The following NUP93 variants were observed in gnomAD, a reference collection of about 807,000 sequenced individuals.
NUP93 encodes nuclear pore complex protein Nup93.
In NUP93, 55 loss-of-function variants were observed where a neutral mutation model predicts 107.8. That is an observed-to-expected ratio of 0.51 (90% CI 0.41 to 0.64). NUP93 has a LOEUF of 0.64. Among genes scored for constraint, NUP93 ranks in the 30% least tolerant of loss-of-function variants. The pLI is 0.00. For missense variants in NUP93, 937 were observed against 1,044.7 expected (o/e 0.90, Z 1.42); for synonymous variants, 390 against 397.5 (o/e 0.98, Z 0.22).
At chr16:56,805,891 C>G (rs1963127165) in intron 5 of NUP93, among the ~76,000 whole-genome samples, 1 of 151,904 alleles carries the variant, frequency 6.6e-6, no homozygotes, top group Non-Finnish European at 1.5e-5. Flanking sequence ...AGTCCTTAAC[C>G]TCTTCAGTTT....
intron 5 of NUP93, among the ~76,000 whole-genome samples, chr16:56,810,788 C>T (rs559880975): frequency 2.9e-5 from 3 of 102,250 alleles, no homozygotes; most frequent in Non-Finnish European, 4.8e-5. Context: ...CAGAAATCCT[C>T]TTTGTGGTCC....
intron 3 of NUP93, among the ~76,000 whole-genome samples, chr16:56,786,675 T>C (rs1962634359): frequency 6.6e-6 from 1 of 152,232 alleles, no homozygotes; most frequent in Admixed American, 6.5e-5. Context: ...TTGGGTCCAT[T>C]GTGTTGGCTC....
intron 16 of NUP93, among the ~76,000 whole-genome samples, 199 bp downstream of exon 16, chr16:56,834,977 T>C (rs1236092183): frequency 6.6e-6 from 1 of 152,254 alleles, no homozygotes; most frequent in African/African-American, 2.4e-5. Context: ...CCTTAAAATA[T>C]GTTAATTTGT....
intron 12 of NUP93, among the ~76,000 whole-genome samples, chr16:56,833,010 C>G (rs1347271423): frequency 6.6e-6 from 1 of 152,154 alleles, no homozygotes. Flanking sequence ...GTTATGAGGT[C>G]TAGAGAAGGT....
At position 56,818,660 on chromosome 16, in the gene NUP93, A is replaced by G. The variant is rs775842007; in HGVS notation, c.490-4A>G. The G allele has an allele frequency of 6.2e-7, 1 of 1,613,462 alleles. No homozygotes were observed. The highest frequency in any genetic ancestry group is 1.7e-5 in the Admixed American group (1 of 59,970). ...ACTGATTCTGAATGTGTATTTATCCACAGCCAAGCTACATCAGTGATGTGG... is the reference window on the plus strand; with the variant it reads ...ACTGATTCTGAATGTGTATTTATCCGCAGCCAAGCTACATCAGTGATGTGG... On this transcript the variant is annotated splice_region_variant and splice_polypyrimidine_tract_variant and intron_variant, in intron 5 of 21. Transcript: ENST00000308159.
At chr16:56,834,279 C>T (rs1346496843) in intron 14 of NUP93, 25 bp downstream of exon 14, 10 of 1,613,502 alleles carry the variant, frequency 6.2e-6, no homozygotes, top group Admixed American at 1.7e-5. Flanking sequence ...TGACCATTTA[C>T]TTCAGCTAGT....
intron 6 of NUP93, among the ~76,000 whole-genome samples, chr16:56,821,173 A>G (rs573945938): frequency 6.6e-6 from 1 of 152,252 alleles, no homozygotes; most frequent in Non-Finnish European, 1.5e-5. Context: ...TGCCTTGGTT[A>G]TTAGGAAGCA....
At chr16:56,842,082 A>C (rs1319894118) in intron 21 of NUP93, among the ~76,000 whole-genome samples, 1 of 152,220 alleles carries the variant, frequency 6.6e-6, no homozygotes, top group Non-Finnish European at 1.5e-5. Flanking sequence ...AATCAAACAG[A>C]ATGCTAATTT....
chr16:56,808,155 ATAT>A lies in NUP93; in HGVS notation c.489+2524_489+2526del, dbSNP rs1567398298. Reference sequence around the variant, plus strand: ...AAATATATTTATATAACTATATATAATATATAGTTATATAACTATATAAAATAT... The same window carrying A: ...AAATATATTTATATAACTATATATAAATAGTTATATAACTATATAAAATAT... On this transcript the variant is annotated intron_variant, in intron 5 of 21. Coordinates refer to ENST00000308159, the MANE Select transcript of NUP93 (RefSeq NM_014669.5). Among the ~76,000 whole-genome samples the A allele has an allele frequency of 6.0e-5, 7 of 116,092 alleles. No homozygotes were observed. In the East Asian group the frequency reaches 1.2e-3, roughly 20 times the overall value. The allele number at this position is 116,092 out of a possible 152,430, so 76.2% of individuals were successfully genotyped here.
At chr16:56,789,000 G>A (rs74845765) in intron 3 of NUP93, among the ~76,000 whole-genome samples, 2,075 of 152,204 alleles carry the variant, frequency 0.014, 20 homozygotes, top group Non-Finnish European at 0.022. Flanking sequence ...TTTGAAGTTG[G>A]GTTTTTGTTG....
chr16:56,742,514 A>G (rs769670403), intron 1 of NUP93, among the ~76,000 whole-genome samples: 3 of 152,236 alleles, frequency 2.0e-5, no homozygotes, highest in Admixed American at 1.3e-4. Context: ...GTTGGTTTAC[A>G]TATTATCTAT....
chr16:56,744,663 C>A (rs1329176875), intron 1 of NUP93, among the ~76,000 whole-genome samples: 3 of 152,044 alleles, frequency 2.0e-5, no homozygotes, highest in Non-Finnish European at 4.4e-5. Flanking sequence ...TAGCAAAATT[C>A]TTTCTATATA....
chr16:56,805,798 T>C (rs938099609), intron 5 of NUP93, 166 bp downstream of exon 5: 15 of 685,274 alleles, frequency 2.2e-5, no homozygotes, highest in Middle Eastern at 4.3e-4. Context: ...TCCTCCAACA[T>C]GTCTGCCTGC....
intron 3 of NUP93, among the ~76,000 whole-genome samples, chr16:56,764,006 A>G (rs1962175597): frequency 1.3e-5 from 2 of 152,224 alleles, no homozygotes; most frequent in African/African-American, 4.8e-5. Context: ...ACTGAACTAT[A>G]TATCATATGT....
intron 4 of NUP93, among the ~76,000 whole-genome samples, chr16:56,802,906 A>G (rs1963052110): frequency 6.6e-6 from 1 of 152,180 alleles, no homozygotes; most frequent in Admixed American, 6.5e-5. Flanking sequence ...TCATAATTCA[A>G]TCTATCTATG....
chr16:56,834,223 A>G lies in NUP93; in HGVS notation c.1633A>G (p.Arg545Gly), dbSNP rs1388403405. The change falls in exon 14 of 22, where the codon AGG (arginine) becomes GGG (glycine). Residue 545 changes from arginine (R) to glycine (G), a missense_variant. Arg to Gly is a moderately radical substitution (Grantham distance 125). Transcript: ENST00000308159. ...YTRKFESTDP[R>G]EALQYFYFLR... ...CCGGAAGTTTGAGTCCACGGACCCA[A>G]GGGAGGCCCTCCAGTACTTCTATTT... 5 of 1,614,076 alleles carry G rather than the reference A, an allele frequency of 3.1e-6. No homozygotes were observed. In the African/African-American group the frequency reaches 6.7e-5, roughly 22 times the overall value.
At chr16:56,840,550 C>G (rs556822746) in intron 20 of NUP93, among the ~76,000 whole-genome samples, 1 of 152,332 alleles carries the variant, frequency 6.6e-6, no homozygotes, top group South Asian at 2.1e-4. Flanking sequence ...CCCAGTCATT[C>G]CAGTGTGTGG....
At chr16:56,770,488 G>A (rs1018333429) in intron 3 of NUP93, among the ~76,000 whole-genome samples, 14 of 152,158 alleles carry the variant, frequency 9.2e-5, no homozygotes, top group African/African-American at 2.7e-4. Context: ...AATGAGAACC[G>A]AATGGCTTTA....
At chr16:56,755,613 C>T (rs182844741) in intron 2 of NUP93, among the ~76,000 whole-genome samples, 37 of 152,184 alleles carry the variant, frequency 2.4e-4, no homozygotes, top group South Asian at 6.2e-4. Flanking sequence ...TGGTCGCTCA[C>T]GCCTGTAATC....
Sources: allele counts gnomAD v4.1 joint callset (sites outside exome capture counted in the v4.1 genomes callset), GRCh38; gene constraint gnomAD v4.1.1; transcripts MANE v1.5; gene names NCBI Gene and HGNC (gene_info 2026-07-23, HGNC 2026-07-21).